Variants in GULP1 observed in about 807,000 individuals in gnomAD.
GULP1 encodes the protein PTB domain-containing engulfment adapter protein 1.
Under a neutral mutation model 40.9 loss-of-function variants are expected in GULP1, and 19 were observed. That is an observed-to-expected ratio of 0.46 (90% confidence interval 0.32 to 0.68). The LOEUF is 0.68. Ranked by LOEUF, GULP1 falls within the 30% of genes least tolerant of loss-of-function variation. The pLI is 0.03. For synonymous variants in GULP1, 119 were observed against 117.6 expected (o/e 1.01, Z -0.08); for missense variants, 312 against 362.2 (o/e 0.86, Z 1.12).
intron 4 of GULP1, among the ~76,000 whole-genome samples, chr2:188,507,508 A>G (rs994197983): frequency 3.3e-5 from 5 of 150,702 alleles, no homozygotes; most frequent in African/African-American, 1.2e-4. Context: ...AATAAGTATC[A>G]TGACTCTAAC....
intron 7 of GULP1, among the ~76,000 whole-genome samples, chr2:188,559,471 G>T (rs1017910790): frequency 3.3e-5 from 5 of 152,218 alleles, no homozygotes; most frequent in African/African-American, 1.2e-4. Context: ...TGCTAGGGCA[G>T]TGCGGAAGGG....
chr2:188,411,991 C>T (rs1300542854), intron 2 of GULP1, among the ~76,000 whole-genome samples: 2 of 152,144 alleles, frequency 1.3e-5, no homozygotes, highest in African/African-American at 4.8e-5. Context: ...GGGAACTCCC[C>T]GTGAGGCCAT....
intron 2 of GULP1, among the ~76,000 whole-genome samples, chr2:188,438,517 T>C (rs1307902650): frequency 1.3e-5 from 2 of 151,206 alleles, no homozygotes; most frequent in African/African-American, 2.4e-5. Flanking sequence ...CTATTAATAG[T>C]CTAATAATTA....
intron 1 of GULP1, among the ~76,000 whole-genome samples, chr2:188,329,183 C>G (rs2041199434): frequency 6.6e-6 from 1 of 151,094 alleles, no homozygotes; most frequent in South Asian, 2.1e-4. Flanking sequence ...TCTTCCTCTT[C>G]TTCCTTCAGG....
Position 188,292,793 on chromosome 2 carries a change from A to T in GULP1, c.-172+627A>T, listed in dbSNP as rs1440875918. ...GCCCAAAGGAAGGGGCGGCGTCCAC[A>T]TGGTTACCCTTCTGCTGCGCGGGTC... On this transcript the variant is annotated intron_variant, in intron 1 of 11. Coordinates refer to ENST00000409830, the MANE Select transcript of GULP1 (RefSeq NM_016315.4). This position sits in a 1 kb window ranked among gnomAD's most constrained non-coding sequence, Gnocchi z 4.0. 2 of 152,330 alleles carry T rather than the reference A, an allele frequency of 1.3e-5. No homozygotes were observed. The highest frequency in any genetic ancestry group is 3.9e-4 in the East Asian group (2 of 5,170). 9.4% of individuals were successfully genotyped at this position (152,330 alleles called of 1,614,324 possible).
intron 2 of GULP1, among the ~76,000 whole-genome samples, chr2:188,456,032 T>C (rs893429000): frequency 9.2e-5 from 14 of 152,156 alleles, no homozygotes; most frequent in African/African-American, 3.4e-4. Flanking sequence ...ATTTAGGGTA[T>C]CTGGTGGAAG....
intron 7 of GULP1, among the ~76,000 whole-genome samples, chr2:188,561,258 T>G (rs2153411358): frequency 6.6e-6 from 1 of 152,336 alleles, no homozygotes; most frequent in Middle Eastern, 3.4e-3. Flanking sequence ...CTTGGGCTTC[T>G]AGTTGGCTTG....
At chr2:188,458,699 C>T (rs1559264716) in intron 2 of GULP1, among the ~76,000 whole-genome samples, 1 of 152,100 alleles carries the variant, frequency 6.6e-6, no homozygotes, top group East Asian at 1.9e-4. Flanking sequence ...ATACTCTTAG[C>T]TATTTAACAA....
intron 2 of GULP1, among the ~76,000 whole-genome samples, chr2:188,428,083 A>T (rs1233622027): frequency 6.6e-6 from 1 of 152,192 alleles, no homozygotes; most frequent in Non-Finnish European, 1.5e-5. Flanking sequence ...TTAATATTTA[A>T]TGACTGCCCT....
At chr2:188,332,142 G>A (rs1413532422) in intron 1 of GULP1, among the ~76,000 whole-genome samples, 4 of 150,568 alleles carry the variant, frequency 2.7e-5, no homozygotes, top group Admixed American at 2.6e-4. Flanking sequence ...AGCATTAATA[G>A]TCATCTCATT....
chr2:188,459,818 G>C (rs2059559696), intron 2 of GULP1, among the ~76,000 whole-genome samples: 1 of 152,110 alleles, frequency 6.6e-6, no homozygotes, highest in African/African-American at 2.4e-5. Context: ...TTTGATGTTT[G>C]TATATGGCAA....
intron 2 of GULP1, among the ~76,000 whole-genome samples, chr2:188,410,364 G>C (rs903899905): frequency 1.3e-5 from 2 of 152,102 alleles, no homozygotes; most frequent in Admixed American, 1.3e-4. Context: ...AAAATAAAAG[G>C]CTTCTGGATA....
intron 2 of GULP1, among the ~76,000 whole-genome samples, chr2:188,388,217 C>T (rs906160221): frequency 1.3e-5 from 2 of 151,926 alleles, no homozygotes; most frequent in Non-Finnish European, 2.9e-5. Flanking sequence ...TTTTCTTAAT[C>T]CAGTCTATCC....
intron 4 of GULP1, among the ~76,000 whole-genome samples, chr2:188,510,296 A>G (rs2064370920): frequency 6.6e-6 from 1 of 152,154 alleles, no homozygotes; most frequent in African/African-American, 2.4e-5. Flanking sequence ...AAAATTAAGA[A>G]TGAAATATAG....
At chr2:188,563,873 C>G (rs959010778) in intron 7 of GULP1, among the ~76,000 whole-genome samples, 3 of 151,896 alleles carry the variant, frequency 2.0e-5, no homozygotes, top group African/African-American at 7.2e-5. Flanking sequence ...ACTTAACACT[C>G]TTTTGCAAAA....
intron 2 of GULP1, among the ~76,000 whole-genome samples, chr2:188,471,631 A>G (rs2060600746): frequency 6.6e-6 from 1 of 152,134 alleles, no homozygotes; most frequent in South Asian, 2.1e-4. Context: ...GTTTGCATAA[A>G]CCAACTAACA....
At chr2:188,589,862 G>T in intron 11 of GULP1, 1 of 488,454 alleles carries the variant, frequency 2.0e-6, no homozygotes, top group Non-Finnish European at 3.6e-6. Context: ...CTTCATATGG[G>T]TATATCTGAT....
At chr2:188,443,685 C>CTTTTTTTT (rs768289502) in intron 2 of GULP1, among the ~76,000 whole-genome samples, 1 of 147,132 alleles carries the variant, frequency 6.8e-6, no homozygotes, top group Non-Finnish European at 1.5e-5. Context: ...AAATGAATTT[C>CTTTTTTTT]TTTTCTTTTT....
chr2:188,417,996 TAG>T (rs1484188503), intron 2 of GULP1, among the ~76,000 whole-genome samples: 1 of 151,912 alleles, frequency 6.6e-6, no homozygotes, highest in African/African-American at 2.4e-5. Flanking sequence ...TTTGTTTTTT[TAG>T]AGACAGAGTT....
Sources: allele counts gnomAD v4.1 joint callset (sites outside exome capture counted in the v4.1 genomes callset), GRCh38; gene constraint gnomAD v4.1.1; non-coding constraint Gnocchi (gnomAD v3.1); transcripts MANE v1.5; gene names NCBI Gene and HGNC (gene_info 2026-07-23, HGNC 2026-07-21).